Variants in RRAGB observed in about 807,000 individuals in gnomAD.
RRAGB encodes ras-related GTP-binding protein B.
RRAGB carries 6 observed loss-of-function variants against 29.3 expected under a neutral mutation model. That is an observed-to-expected ratio of 0.21 (90% CI 0.11 to 0.40). The LOEUF is 0.40. Ranked by LOEUF, RRAGB falls within the 10% of genes least tolerant of loss-of-function variation. The probability of loss-of-function intolerance (pLI) is 1.00; values close to 1 mark genes in which losing one functional copy is unlikely to be tolerated. For missense variants in RRAGB, 184 were observed against 272.9 expected, an observed-to-expected ratio of 0.67 and a Z score of 2.29; for synonymous variants, 101 against 92.5, an observed-to-expected ratio of 1.09 and a Z score of -0.53.
rs1434324721 is a variant in RRAGB at position 55,724,441 on chromosome X, G to T, written c.226+2156G>T. On this transcript the variant is annotated intron_variant, in intron 3 of 9. Transcript: ENST00000374941. ...CCTAACTCTAATATCTGATACATTA[G>T]CTATCTTTCCTAACTCCATGGAGTT... Among the ~76,000 whole-genome samples the T allele has an allele frequency of 2.7e-5, 3 of 111,413 alleles. No individual in the cohort carries two copies. The East Asian group carries it at 8.4e-4, about 31-fold the overall frequency.
intron 2 of RRAGB, among the ~76,000 whole-genome samples, chrX:55,720,114 T>C: frequency 8.9e-6 from 1 of 112,215 alleles, no homozygotes; most frequent in East Asian, 2.8e-4. Flanking sequence ...ATATTTAGCC[T>C]TAGCTTCATC....
At chrX:55,757,752 C>T (rs1439578625) in intron 9 of RRAGB, among the ~76,000 whole-genome samples, 5 of 111,689 alleles carry the variant, frequency 4.5e-5, no homozygotes, top group African/African-American at 1.6e-4. Context: ...AATCTAAGCT[C>T]TAAACTATTA....
chrX:55,745,896 T>G (rs1202943420), intron 5 of RRAGB, among the ~76,000 whole-genome samples: 2 of 112,099 alleles, frequency 1.8e-5, no homozygotes, highest in Non-Finnish European at 3.8e-5. Flanking sequence ...AAAACTCCAT[T>G]GATTACTTAA....
intron 4 of RRAGB, among the ~76,000 whole-genome samples, chrX:55,730,390 C>T (rs1432669295): frequency 8.9e-6 from 1 of 112,088 alleles, no homozygotes; most frequent in Admixed American, 9.4e-5. Flanking sequence ...TGCTTTTAGG[C>T]ACTAAGATGT....
chrX:55,719,977 G>A (rs2033205424), intron 2 of RRAGB, among the ~76,000 whole-genome samples: 1 of 112,199 alleles, frequency 8.9e-6, no homozygotes. Flanking sequence ...AGATTGTTGT[G>A]ACGTTTAAAT....
At chrX:55,748,196 G>C (rs1254923116) in intron 5 of RRAGB, among the ~76,000 whole-genome samples, 1 of 112,603 alleles carries the variant, frequency 8.9e-6, no homozygotes, top group Non-Finnish European at 1.9e-5. Flanking sequence ...CTGGAGTGCA[G>C]TGGCGTGATC....
chrX:55,749,119 C>T (rs2080380135), intron 5 of RRAGB, among the ~76,000 whole-genome samples: 1 of 100,241 alleles, frequency 1.0e-5, no homozygotes, highest in Admixed American at 1.0e-4. Context: ...GTGCCTCTGC[C>T]CGGCCACCCC....
Position 55,758,443 on chromosome X carries a change from G to A in RRAGB, c.*100G>A. ...AAATGTTGTGATGCTTATTGCTTCT[G>A]TATTTCTTCTCTACTCCCTAGTCTT... On this transcript the variant is annotated 3_prime_UTR_variant, in exon 10 of 10. Transcript: ENST00000374941. 2.1e-6 allele frequency: 1 copy of A among 483,097 alleles called. No homozygotes were observed. Among genetic ancestry groups the A allele is most frequent in the Non-Finnish European group, 3.4e-6 (1 of 297,315 alleles). 39.8% of individuals were successfully genotyped at this position (483,097 alleles called of 1,213,427 possible).
intron 4 of RRAGB, among the ~76,000 whole-genome samples, chrX:55,730,929 A>G (rs2033656468): frequency 9.0e-6 from 1 of 110,542 alleles, no homozygotes. Flanking sequence ...GATTGAACTG[A>G]AATCTAAAGA....
At position 55,719,354 on chromosome X, in the gene RRAGB, C is replaced by T. The variant is rs1253188331; in HGVS notation, c.126+7C>T. 4.3e-6 allele frequency: 5 copies of T among 1,169,205 alleles called. No homozygotes were observed. The highest frequency in any genetic ancestry group is 4.6e-6 in the Non-Finnish European group (4 of 870,589). ...TACAGCCATGAAGAAAAAGGTAAGA[C>T]GTGTTAGATACGTCAAAACCATGAA... is the stretch of plus-strand genomic sequence containing the variant. On this transcript the variant is annotated splice_region_variant and intron_variant, in intron 2 of 9. Transcript: ENST00000374941.
intron 8 of RRAGB, among the ~76,000 whole-genome samples, chrX:55,756,203 A>C (rs2034654199): frequency 8.9e-6 from 1 of 111,903 alleles, no homozygotes; most frequent in Non-Finnish European, 1.9e-5. Flanking sequence ...AATAAATAGA[A>C]TATCCAAGGG....
In RRAGB at chrX:55,749,980, T is replaced by C. The variant is rs754973953; in HGVS notation, c.517-1121T>C. ...TTGTTCACTTGTTTATCTGCTGACC[T>C]TCCCTCCACTATTGTCCTATGACCC... On this transcript the variant is annotated intron_variant, in intron 5 of 9. Transcript: ENST00000374941. Among the ~76,000 whole-genome samples, 289 of 99,951 alleles carry C rather than the reference T, an allele frequency of 2.9e-3. 3 individuals carry two copies. The highest frequency in any genetic ancestry group is 0.01 in the African/African-American group (280 of 26,710). 86.8% of individuals were successfully genotyped at this position (99,951 alleles called of 115,157 possible).
Position 55,731,502 on chromosome X carries a change from G to A in RRAGB, c.432G>A (p.Glu144=), listed in dbSNP as rs1353018003. 25 of 1,207,582 alleles carry A rather than the reference G, an allele frequency of 2.1e-5. No homozygotes were observed. The highest frequency in any genetic ancestry group is 2.7e-5 in the Non-Finnish European group (24 of 893,652). Residue 144 remains glutamate, a synonymous_variant, in exon 5 of 10, where the codon GAG becomes GAA. Transcript: ENST00000374941. Reference sequence around the variant, plus strand: ...TGCACTATTACCAATCATGCCTGGAGGCCATTCTGCAGAATTCTCCAGATG... The same window carrying A: ...TGCACTATTACCAATCATGCCTGGAAGCCATTCTGCAGAATTCTCCAGATG... ...KDMHYYQSCL[E]AILQNSPDAK...
chrX:55,737,342 G>A (rs958084983), intron 5 of RRAGB, among the ~76,000 whole-genome samples: 1 of 112,624 alleles, frequency 8.9e-6, no homozygotes, highest in Admixed American at 9.3e-5. Context: ...CCTGAACCCA[G>A]AGGGCACTCC....
At chrX:55,741,378 G>T (rs752054271) in intron 5 of RRAGB, among the ~76,000 whole-genome samples, 11 of 111,502 alleles carry the variant, frequency 9.9e-5, no homozygotes, top group Non-Finnish European at 1.1e-4. Context: ...TAAGAAAATC[G>T]CTCAAATTTG....
At position 55,724,168 on chromosome X, in the gene RRAGB, T is replaced by C. The variant is rs146660382; in HGVS notation, c.226+1883T>C. ...AGTTCAAATTCCCTTTCAGATATGT[T>C]GTTATTAAAACACATACCCTTCTGG... On this transcript the variant is annotated intron_variant, in intron 3 of 9. Transcript: ENST00000374941. Among the ~76,000 whole-genome samples, 9 of 112,331 alleles carry C rather than the reference T, an allele frequency of 8.0e-5. No homozygotes were observed. The East Asian group carries it at 1.7e-3, about 21-fold the overall frequency.
intron 7 of RRAGB, chrX:55,755,502 G>T (rs2034634038): frequency 2.6e-5 from 19 of 733,246 alleles, no homozygotes; most frequent in Non-Finnish European, 2.9e-5. Flanking sequence ...TTTTCTTTTT[G>T]ATTGATACTT....
At chrX:55,733,117 C>T (rs745585199) in intron 5 of RRAGB, among the ~76,000 whole-genome samples, 3 of 111,127 alleles carry the variant, frequency 2.7e-5, no homozygotes, top group Non-Finnish European at 5.7e-5. Context: ...TCCCTCACCC[C>T]CCACAACCTC....
intron 3 of RRAGB, among the ~76,000 whole-genome samples, chrX:55,728,333 C>T (rs765362345): frequency 6.5e-4 from 73 of 111,967 alleles, no homozygotes; most frequent in Non-Finnish European, 1.3e-3. Context: ...TAGATGTTTA[C>T]ACTCCATATG....
Sources: allele counts gnomAD v4.1 joint callset (sites outside exome capture counted in the v4.1 genomes callset), GRCh38; gene constraint gnomAD v4.1.1; transcripts MANE v1.5; gene names NCBI Gene and HGNC (gene_info 2026-07-23, HGNC 2026-07-21).